ATP8B4: variants seen among roughly 807,000 people sequenced by gnomAD.
ATP8B4 encodes the protein probable phospholipid-transporting ATPase IM.
ATP8B4 carries 133 observed loss-of-function variants against 145.6 expected under a neutral mutation model. That is an observed-to-expected ratio of 0.91 (90% CI 0.79 to 1.05). The LOEUF is 1.05. Ranked by LOEUF, ATP8B4 falls within the 50% of genes least tolerant of loss-of-function variation. The pLI is 0.00. For synonymous variants in ATP8B4, 507 were observed against 492.9 expected (o/e 1.03, Z -0.38); for missense variants, 1,458 against 1,425.2 (o/e 1.02, Z -0.37).
Position 49,916,843 on chromosome 15 carries a change from T to G in ATP8B4, c.2141+91A>C. 3.3e-6 allele frequency: 4 copies of G among 1,219,798 alleles called. No homozygotes were observed. In the South Asian group the frequency reaches 5.3e-5, roughly 16 times the overall value. The allele number at this position is 1,219,798 out of a possible 1,614,324, so 75.6% of individuals were successfully genotyped here. On this transcript the variant is annotated intron_variant, in intron 20 of 27. Coordinates refer to ENST00000284509, the MANE Select transcript of ATP8B4 (RefSeq NM_024837.4). ...ACTAAGTTAAGACCACAGGAAACTA[T>G]AGCATAGCTTTTCACTTTCTCAACT... is the stretch of plus-strand genomic sequence containing the variant.
At chr15:49,985,017 T>C (rs936449342) in intron 10 of ATP8B4, among the ~76,000 whole-genome samples, 5 of 152,192 alleles carry the variant, frequency 3.3e-5, no homozygotes, top group Admixed American at 2.6e-4. Context: ...CATATCTGTG[T>C]CATCTATATT....
At position 49,971,475 on chromosome 15, in the gene ATP8B4, C is replaced by T. The variant is rs374586418; in HGVS notation, c.1243+1107G>A. 2.6e-5 allele frequency among the ~76,000 whole-genome samples: 4 copies of T among 152,144 alleles called. No homozygotes were observed. The East Asian group carries it at 5.8e-4, about 22-fold the overall frequency. ...AGTGGGCAAAGGATATGAACAGACA[C>T]TTCTCAAAAGAAGACATTTATGTGG... On this transcript the variant is annotated intron_variant, in intron 13 of 27. Coordinates refer to ENST00000284509, the MANE Select transcript of ATP8B4 (RefSeq NM_024837.4).
intron 6 of ATP8B4, among the ~76,000 whole-genome samples, chr15:50,013,098 TA>T (rs530935790): frequency 4.6e-5 from 7 of 152,134 alleles, no homozygotes; most frequent in African/African-American, 1.4e-4. Context: ...CAATAATACA[TA>T]AAAAAAATCC....
At chr15:50,012,699 G>GTT (rs1335398715) in intron 6 of ATP8B4, among the ~76,000 whole-genome samples, 1 of 151,984 alleles carries the variant, frequency 6.6e-6, no homozygotes, top group African/African-American at 2.4e-5. Context: ...CACAAAATAG[G>GTT]TTATTTTAAA....
intron 1 of ATP8B4, among the ~76,000 whole-genome samples, chr15:50,129,186 T>G (rs185349275): frequency 4.6e-5 from 7 of 152,202 alleles, no homozygotes; most frequent in African/African-American, 1.4e-4. Context: ...CAATCTGTTT[T>G]TTTTTCTTGT....
At chr15:50,128,501 C>T (rs2057321772) in intron 1 of ATP8B4, among the ~76,000 whole-genome samples, 1 of 152,174 alleles carries the variant, frequency 6.6e-6, no homozygotes, top group South Asian at 2.1e-4. Context: ...CAAAGAGAAT[C>T]CAGAGGACCT....
chr15:50,027,936 A>T (rs911220358), intron 6 of ATP8B4, among the ~76,000 whole-genome samples: 3 of 152,216 alleles, frequency 2.0e-5, no homozygotes, highest in Non-Finnish European at 4.4e-5. Flanking sequence ...GTTTCCAAGA[A>T]CCTATCAGCA....
intron 1 of ATP8B4, among the ~76,000 whole-genome samples, chr15:50,143,874 C>G (rs17415291): frequency 0.16 from 24,625 of 152,136 alleles, 2,254 homozygotes; most frequent in Non-Finnish European, 0.21. Context: ...AAATACAGGC[C>G]TACGTTGTAG....
rs372573916 is a variant in ATP8B4 at position 49,866,456 on chromosome 15, A to C, written c.3056T>G (p.Phe1019Cys). 6 of 1,613,744 alleles carry C rather than the reference A, an allele frequency of 3.7e-6. No homozygotes were observed. Among genetic ancestry groups the C allele is most frequent in the Admixed American group, 1.7e-5 (1 of 60,012 alleles). Residue 1019 changes from phenylalanine to cysteine, a missense_variant, in exon 26 of 28, where the codon TTC becomes TGC. Transcript: ENST00000284509. ...QIALDTSYWTFINHVFIWGSI... is the reference protein window; with the variant it reads ...QIALDTSYWTCINHVFIWGSI... Reference sequence around the variant, plus strand: ...CCCCCAGATGAAGACGTGATTAATGAAAGTCCAGTAACTGGTATCCAAGGC... The same window carrying C: ...CCCCCAGATGAAGACGTGATTAATGCAAGTCCAGTAACTGGTATCCAAGGC...
chr15:49,927,782 G>C (rs2153461798), intron 16 of ATP8B4, among the ~76,000 whole-genome samples: 1 of 152,218 alleles, frequency 6.6e-6, no homozygotes, highest in Non-Finnish European at 1.5e-5. Flanking sequence ...ATAGAAGATA[G>C]CTCCTGCTGA....
At chr15:49,888,665 A>C (rs775046792) in intron 23 of ATP8B4, among the ~76,000 whole-genome samples, 20 of 152,192 alleles carry the variant, frequency 1.3e-4, no homozygotes, top group Non-Finnish European at 4.4e-5. Flanking sequence ...TAAATTGTGA[A>C]TCCAAACCCA....
At chr15:49,935,439 G>A (rs568681717) in intron 14 of ATP8B4, among the ~76,000 whole-genome samples, 64 of 152,138 alleles carry the variant, frequency 4.2e-4, no homozygotes, top group Middle Eastern at 3.4e-3. Flanking sequence ...TATAATTCTG[G>A]ATTATTTCCC....
intron 15 of ATP8B4, among the ~76,000 whole-genome samples, chr15:49,932,600 T>A (rs1280407370): frequency 6.6e-6 from 1 of 152,056 alleles, no homozygotes; most frequent in Non-Finnish European, 1.5e-5. Context: ...TGCAAGAAAG[T>A]AAGAACTGTT....
chr15:49,910,505 A>C (rs999902957), intron 20 of ATP8B4, among the ~76,000 whole-genome samples: 2 of 152,188 alleles, frequency 1.3e-5, no homozygotes, highest in African/African-American at 2.4e-5. Flanking sequence ...AGCAATCCCC[A>C]AACAGGTACA....
chr15:49,870,792 A>T (rs2033562158), intron 25 of ATP8B4, among the ~76,000 whole-genome samples: 2 of 152,256 alleles, frequency 1.3e-5, no homozygotes, highest in Non-Finnish European at 2.9e-5. Flanking sequence ...GGCTTCCTAG[A>T]AATAAAAACA....
At chr15:50,084,837 C>T (rs1205222491) in intron 2 of ATP8B4, among the ~76,000 whole-genome samples, 2 of 152,142 alleles carry the variant, frequency 1.3e-5, no homozygotes, top group Non-Finnish European at 2.9e-5. Context: ...GCCCTTGACC[C>T]TCCTGCCTCC....
In ATP8B4 at chr15:49,931,237, G is replaced by A. The variant is rs747652378; in HGVS notation, c.1524C>T (p.Phe508=). The change falls in exon 16 of 28, where the codon TTC becomes TTT. Residue 508 remains phenylalanine (F), a synonymous_variant. Transcript: ENST00000284509. The part of the protein sequence containing the change: ...ALVTAARNFG[F]IFKSRTPETI... ...TCTCTGGGGTCCGGGATTTAAAAAT[G>A]AACCCAAAATTTCTAGCGGCAGTCA... 1.1e-5 allele frequency: 17 copies of A among 1,612,758 alleles called. No individual in the cohort carries two copies. Among genetic ancestry groups the A allele is most frequent in the Non-Finnish European group, 1.4e-5 (17 of 1,179,206 alleles).
chr15:49,952,119 C>A (rs114358083), intron 14 of ATP8B4, among the ~76,000 whole-genome samples: 11,439 of 152,216 alleles, frequency 0.075, 471 homozygotes, highest in Middle Eastern at 0.095. Context: ...TCTGGCTGCC[C>A]TTAGCAGTTT....
Position 49,962,071 on chromosome 15 carries a change from T to A in ATP8B4, c.1244-51A>T, listed in dbSNP as rs1196853287. Reference sequence around the variant, plus strand: ...AAAGTAAGTGAAACCGAAATTAGAATTAGACATTTAGTTTTAAGGAATACA... The same window carrying A: ...AAAGTAAGTGAAACCGAAATTAGAAATAGACATTTAGTTTTAAGGAATACA... On this transcript the variant is annotated intron_variant, in intron 13 of 27. Coordinates refer to ENST00000284509, the MANE Select transcript of ATP8B4 (RefSeq NM_024837.4). 5 of 1,385,604 alleles carry A rather than the reference T, an allele frequency of 3.6e-6. No individual in the cohort carries two copies. The East Asian group carries it at 9.4e-5, about 26-fold the overall frequency. 85.8% of individuals were successfully genotyped at this position (1,385,604 alleles called of 1,614,324 possible).
Sources: gnomAD v4.1 joint callset for allele counts (sites outside exome capture counted in the v4.1 genomes callset) on GRCh38, gnomAD v4.1.1 for gene constraint, MANE v1.5 for transcripts, NCBI Gene and HGNC (gene_info 2026-07-23, HGNC 2026-07-21) for gene names.